ERC2: variants seen among roughly 807,000 people sequenced by gnomAD.
ERC2 encodes ELKS/RAB6-interacting/CAST family member 2.
In ERC2, 42 loss-of-function variants were observed where a neutral mutation model predicts 114.8. The observed-to-expected ratio is 0.37, with a 90% CI of 0.29 to 0.47. ERC2 has a LOEUF of 0.47. Among genes scored for constraint, ERC2 ranks in the 20% least tolerant of loss-of-function variants. The probability of loss-of-function intolerance (pLI) is 0.99; values close to 1 mark genes in which losing one functional copy is unlikely to be tolerated. For synonymous variants in ERC2, 454 were observed against 425.5 expected, an observed-to-expected ratio of 1.07 and a Z score of -0.82; for missense variants, 939 against 1,150.7, an observed-to-expected ratio of 0.82 and a Z score of 2.66.
At chr3:55,958,392 G>A (rs2068114329) in intron 12 of ERC2, among the ~76,000 whole-genome samples, 1 of 152,200 alleles carries the variant, frequency 6.6e-6, no homozygotes, top group Non-Finnish European at 1.5e-5. Flanking sequence ...GCCATGGGCA[G>A]GCCCAGAAAA....
chr3:55,713,123 T>A (rs1227193342), intron 15 of ERC2, among the ~76,000 whole-genome samples: 2,848 of 114,906 alleles, frequency 0.025, 60 homozygotes, highest in African/African-American at 0.084. Context: ...TCTCTCTCTC[T>A]CTCTGTCTCA....
intron 17 of ERC2, among the ~76,000 whole-genome samples, chr3:55,579,981 C>T (rs61302147): frequency 0.012 from 1,896 of 152,294 alleles, 33 homozygotes; most frequent in African/African-American, 0.042. Flanking sequence ...AATATCTCCA[C>T]GGCAGTGGTG....
intron 13 of ERC2, among the ~76,000 whole-genome samples, chr3:55,894,999 A>G (rs564297215): frequency 1.3e-5 from 2 of 152,232 alleles, no homozygotes; most frequent in South Asian, 2.1e-4. Context: ...ACTGCCCTAC[A>G]TTCACTCCTC....
At chr3:55,574,155 A>G (rs2056859595) in intron 17 of ERC2, among the ~76,000 whole-genome samples, 1 of 152,134 alleles carries the variant, frequency 6.6e-6, no homozygotes. Flanking sequence ...GGTTATTCTC[A>G]TGTGACCAAT....
At chr3:56,048,020 C>A (rs1238188311) in intron 7 of ERC2, among the ~76,000 whole-genome samples, 1 of 152,140 alleles carries the variant, frequency 6.6e-6, no homozygotes, top group Non-Finnish European at 1.5e-5. Flanking sequence ...CTATGTAGTA[C>A]CCCAAATGGG....
chr3:56,369,712 C>T (rs886917800), intron 2 of ERC2, among the ~76,000 whole-genome samples: 27 of 151,200 alleles, frequency 1.8e-4, no homozygotes, highest in African/African-American at 5.6e-4. Context: ...GAGTCTCGCT[C>T]TTTTGCCAGG....
intron 17 of ERC2, among the ~76,000 whole-genome samples, chr3:55,667,897 C>A (rs755198055): frequency 1.1e-4 from 17 of 152,160 alleles, no homozygotes; most frequent in Non-Finnish European, 2.2e-4. Context: ...AGCTTCAGCA[C>A]TATTGAATCT....
chr3:56,115,164 C>G (rs73091236), intron 6 of ERC2, among the ~76,000 whole-genome samples: 20,591 of 152,200 alleles, frequency 0.14, 1,497 homozygotes, highest in East Asian at 0.16. Flanking sequence ...TTGGCCAGCT[C>G]CACATGCATT....
At chr3:56,233,163 A>T (rs1411360074) in intron 3 of ERC2, among the ~76,000 whole-genome samples, 1 of 152,248 alleles carries the variant, frequency 6.6e-6, no homozygotes, top group Admixed American at 6.5e-5. Flanking sequence ...CAATATTGCC[A>T]AATGGATGGG....
intron 3 of ERC2, among the ~76,000 whole-genome samples, chr3:56,181,496 G>T (rs2083286415): frequency 2.0e-5 from 3 of 152,156 alleles, no homozygotes; most frequent in African/African-American, 7.2e-5. Flanking sequence ...TTACGATCTG[G>T]CCCTTTATAG....
chr3:55,544,549 G>A (rs576694354), intron 17 of ERC2, among the ~76,000 whole-genome samples: 20 of 152,264 alleles, frequency 1.3e-4, no homozygotes, highest in African/African-American at 4.8e-4. Flanking sequence ...GTCCCCTGGG[G>A]CATTATTTGG....
intron 3 of ERC2, among the ~76,000 whole-genome samples, chr3:56,261,774 T>A (rs1257876578): frequency 1.3e-5 from 2 of 152,188 alleles, no homozygotes; most frequent in Non-Finnish European, 2.9e-5. Context: ...TAAACTTGTG[T>A]CATGGGGGTT....
At chr3:55,958,516 T>C (rs1359416140) in intron 12 of ERC2, among the ~76,000 whole-genome samples, 1 of 152,172 alleles carries the variant, frequency 6.6e-6, no homozygotes, top group Admixed American at 6.5e-5. Flanking sequence ...GATCTGTCCC[T>C]TTCTGCCCAG....
intron 17 of ERC2, among the ~76,000 whole-genome samples, chr3:55,604,232 A>G (rs1265876998): frequency 1.3e-5 from 2 of 152,290 alleles, no homozygotes; most frequent in South Asian, 2.1e-4. Context: ...TGAGGGATGA[A>G]GAAAACAACC....
At chr3:56,217,897 C>T (rs1218960800) in intron 3 of ERC2, among the ~76,000 whole-genome samples, 1 of 148,306 alleles carries the variant, frequency 6.7e-6, no homozygotes, top group East Asian at 2.0e-4. Flanking sequence ...GAAAGGATTC[C>T]CTATTTAATA....
intron 6 of ERC2, among the ~76,000 whole-genome samples, chr3:56,091,436 C>T (rs2077783635): frequency 6.6e-6 from 1 of 152,046 alleles, no homozygotes; most frequent in Admixed American, 6.6e-5. Flanking sequence ...TAGGATTAGG[C>T]ATATATAGTT....
At chr3:56,433,057 A>G (rs2061861122) in intron 2 of ERC2, among the ~76,000 whole-genome samples, 1 of 152,076 alleles carries the variant, frequency 6.6e-6, no homozygotes, top group South Asian at 2.1e-4. Flanking sequence ...ATGTGCCCGT[A>G]GTCCCAGCTA....
chr3:55,995,188 C>A (rs2071411780), intron 10 of ERC2, among the ~76,000 whole-genome samples: 2 of 152,136 alleles, frequency 1.3e-5, no homozygotes, highest in Admixed American at 1.3e-4. Context: ...CAAAAATTAA[C>A]TGGGCATTGA....
chr3:55,977,093 A>T (rs1460733422), intron 12 of ERC2, among the ~76,000 whole-genome samples: 1 of 152,220 alleles, frequency 6.6e-6, no homozygotes, highest in Non-Finnish European at 1.5e-5. Context: ...CACTCTCCAG[A>T]ACTGTGAGAA....
Sources: allele counts gnomAD v4.1 joint callset (sites outside exome capture counted in the v4.1 genomes callset), GRCh38; gene constraint gnomAD v4.1.1; transcripts MANE v1.5; gene names NCBI Gene and HGNC (gene_info 2026-07-23, HGNC 2026-07-21).